Variants in ZNF680 observed in about 807,000 individuals in gnomAD.
The protein encoded by ZNF680 is hypothetical protein FLJ90430.
A neutral mutation model predicts 12.1 loss-of-function variants in ZNF680; 6 were observed. The observed-to-expected ratio is 0.49, with a 90% confidence interval of 0.27 to 0.98. ZNF680 has a LOEUF of 0.98. Among genes scored for constraint, ZNF680 ranks in the 50% least tolerant of loss-of-function variants. The probability of loss-of-function intolerance (pLI) is 0.12; values close to 1 mark genes in which losing one functional copy is unlikely to be tolerated. For missense variants in ZNF680, 561 were observed against 616.3 expected, an observed-to-expected ratio of 0.91 and a Z score of 0.95; for synonymous variants, 170 against 199.3, an observed-to-expected ratio of 0.85 and a Z score of 1.24.
intron 1 of ZNF680, among the ~76,000 whole-genome samples, chr7:64,550,006 T>C (rs1419444982): frequency 6.6e-6 from 1 of 151,974 alleles, no homozygotes; most frequent in Non-Finnish European, 1.5e-5. Flanking sequence ...AACAAAAAAC[T>C]GAGGCAACAT....
At chr7:64,500,084 G>C in the ZNF680 span, among the ~76,000 whole-genome samples, 2 of 151,978 alleles carry the variant, frequency 1.3e-5, no homozygotes, top group Non-Finnish European at 2.9e-5. Context: ...GTGTGGCTCT[G>C]ACCTAACTCG....
downstream of ZNF680, among the ~76,000 whole-genome samples, chr7:64,519,698 T>C (rs527447333): frequency 6.6e-6 from 1 of 151,938 alleles, no homozygotes; most frequent in East Asian, 1.9e-4. Context: ...AATTTTATTA[T>C]TTTTGATCAC....
Position 64,544,387 on chromosome 7 carries a change from C to T in ZNF680, c.76G>A (p.Glu26Lys). The part of the protein sequence containing the change: ...RDVAIEFSLE[E>K]WQCLDTAQRN... ...TGTGCAGTGTCCAGGCATTGCCACT[C>T]CTCCAGAGAGAATTCTATGGCCACA... The change falls in exon 2 of 4, where the codon GAG becomes AAG. Residue 26 changes from glutamate (E) to lysine (K), a missense_variant. Physicochemically the swap from Glu to Lys is moderately conservative, Grantham distance 56 (BLOSUM62 1). Coordinates refer to ENST00000309683, the MANE Select transcript of ZNF680 (RefSeq NM_178558.5). 1 of 1,604,602 alleles carries T rather than the reference C, an allele frequency of 6.2e-7. No individual in the cohort carries two copies. The highest frequency in any genetic ancestry group is 2.2e-5 in the East Asian group (1 of 44,624).
chr7:64,539,351 C>CAAAAAAAAAAAAAAAAAA (rs1170166478), intron 3 of ZNF680, among the ~76,000 whole-genome samples: 4 of 48,494 alleles, frequency 8.2e-5, no homozygotes, highest in Admixed American at 3.0e-4. Context: ...AACTTCGTCT[C>CAAAAAAAAAAAAAAAAAA]AAAAAAAAAA....
the ZNF680 span, among the ~76,000 whole-genome samples, chr7:64,501,997 C>CTTTTTT: frequency 4.1e-4 from 43 of 104,496 alleles, 1 homozygote; most frequent in East Asian, 9.2e-4. Flanking sequence ...GGACGTATTT[C>CTTTTTT]TTTTTTTTTT....
chr7:64,504,866 TATG>T, the ZNF680 span, among the ~76,000 whole-genome samples: 1 of 152,208 alleles, frequency 6.6e-6, no homozygotes, highest in South Asian at 2.1e-4. Context: ...ATTAGTTTTA[TATG>T]ATGATTTGTG....
chr7:64,510,024 A>AGAGTTTAG, the ZNF680 span, among the ~76,000 whole-genome samples: 7 of 42,422 alleles, frequency 1.7e-4, no homozygotes, highest in East Asian at 0.014. Flanking sequence ...GTAAAACTCT[A>AGAGTTTAG]AAAAAAAAAA....
chr7:64,502,887 G>A, the ZNF680 span, among the ~76,000 whole-genome samples: 2 of 151,848 alleles, frequency 1.3e-5, no homozygotes, highest in African/African-American at 2.4e-5. Context: ...CATCCCCATC[G>A]TCTGTGAACT....
intron 1 of ZNF680, among the ~76,000 whole-genome samples, chr7:64,555,646 A>G (rs1474058653): frequency 6.6e-6 from 1 of 151,788 alleles, no homozygotes; most frequent in East Asian, 1.9e-4. Context: ...AAGACAAGAA[A>G]TAACCAAAAT....
chr7:64,536,651 A>T (rs1054141843), intron 3 of ZNF680, among the ~76,000 whole-genome samples: 2 of 152,242 alleles, frequency 1.3e-5, no homozygotes, highest in Admixed American at 1.3e-4. Flanking sequence ...CACCCACACC[A>T]TAGCATAGAA....
chr7:64,513,181 T>C, the ZNF680 span, among the ~76,000 whole-genome samples: 2 of 152,074 alleles, frequency 1.3e-5, no homozygotes, highest in East Asian at 1.9e-4. Flanking sequence ...AAGTTAAAAA[T>C]TGCTGAAAGT....
At chr7:64,504,867 A>C in the ZNF680 span, among the ~76,000 whole-genome samples, 1 of 152,190 alleles carries the variant, frequency 6.6e-6, no homozygotes, top group Non-Finnish European at 1.5e-5. Context: ...TTAGTTTTAT[A>C]TGATGATTTG....
the ZNF680 span, among the ~76,000 whole-genome samples, chr7:64,511,426 A>T: frequency 2.0e-5 from 3 of 152,170 alleles, no homozygotes; most frequent in African/African-American, 7.2e-5. Context: ...GCTAAGGCTC[A>T]AGCTCTGACT....
At position 64,543,929 on chromosome 7, in the gene ZNF680, A is replaced by G; in HGVS notation, c.158-127T>C. ...ATTAATCCCAAATTACTAATTTATA[A>G]CAGACATTTCTAAATATTTAGAAAA... is the stretch of plus-strand genomic sequence containing the variant. On this transcript the variant is annotated intron_variant, in intron 2 of 3. Transcript: ENST00000309683. 6.2e-6 allele frequency: 5 copies of G among 806,804 alleles called. No individual in the cohort carries two copies. The South Asian group carries it at 9.3e-5, about 15-fold the overall frequency. 50.0% of individuals were successfully genotyped at this position (806,804 alleles called of 1,614,324 possible). A position where few individuals can be genotyped will look rare whatever the true frequency, so the allele number is the denominator to read the frequency against.
In ZNF680 at chr7:64,544,388, C is replaced by T. The variant is rs1434814140; in HGVS notation, c.75G>A (p.Glu25=). 6.2e-7 allele frequency: 1 copy of T among 1,604,074 alleles called. No individual in the cohort carries two copies. The highest frequency in any genetic ancestry group is 8.5e-7 in the Non-Finnish European group (1 of 1,173,906). ...FRDVAIEFSL[E]EWQCLDTAQR... The stretch of plus-strand genomic sequence containing the variant: ...GTGCAGTGTCCAGGCATTGCCACTC[C>T]TCCAGAGAGAATTCTATGGCCACAT... The change falls in exon 2 of 4, where the codon GAG becomes GAA. Residue 25 remains glutamate (E), a synonymous_variant. Coordinates refer to ENST00000309683, the MANE Select transcript of ZNF680 (RefSeq NM_178558.5).
At chr7:64,528,268 T>C (rs1785662279) in intron 3 of ZNF680, among the ~76,000 whole-genome samples, 1 of 152,190 alleles carries the variant, frequency 6.6e-6, no homozygotes, top group Middle Eastern at 3.4e-3. Flanking sequence ...CAGCTGAACT[T>C]TGTGACAATT....
At chr7:64,502,006 T>TC in the ZNF680 span, among the ~76,000 whole-genome samples, 1 of 106,384 alleles carries the variant, frequency 9.4e-6, no homozygotes, top group Non-Finnish European at 1.9e-5. Context: ...TCTTTTTTTT[T>TC]TTTTTTTTTT....
At chr7:64,499,743 C>CA in the ZNF680 span, among the ~76,000 whole-genome samples, 1 of 152,052 alleles carries the variant, frequency 6.6e-6, no homozygotes, top group South Asian at 2.1e-4. Context: ...GACTCCGTCT[C>CA]AAAAAAACAA....
chr7:64,534,615 G>A (rs931088737), intron 3 of ZNF680, among the ~76,000 whole-genome samples: 6 of 152,146 alleles, frequency 3.9e-5, no homozygotes, highest in Admixed American at 3.9e-4. Flanking sequence ...ATTCCTTAAA[G>A]AACTAAAGGT....
Sources: gnomAD v4.1 joint callset for allele counts (sites outside exome capture counted in the v4.1 genomes callset) on GRCh38, gnomAD v4.1.1 for gene constraint, MANE v1.5 for transcripts, NCBI Gene and HGNC (gene_info 2026-07-23, HGNC 2026-07-21) for gene names.